Variants in CCDC7 observed in about 807,000 individuals in gnomAD.
CCDC7 encodes coiled-coil domain-containing protein 7.
CCDC7 carries 183 observed loss-of-function variants against 196.9 expected under a neutral mutation model. That is an observed-to-expected ratio of 0.93 (90% CI 0.82 to 1.05). The LOEUF is 1.05. Ranked by LOEUF, CCDC7 falls within the 50% of genes least tolerant of loss-of-function variation. The pLI is 0.00. For missense variants in CCDC7, 1,540 were observed against 1,482.2 expected (o/e 1.04, Z -0.64); for synonymous variants, 525 against 484.6 (o/e 1.08, Z -1.10).
chr10:32,602,588 T>G (rs1405651913), intron 18 of CCDC7, among the ~76,000 whole-genome samples: 1 of 152,098 alleles, frequency 6.6e-6, no homozygotes. Flanking sequence ...TATGCTTAAT[T>G]TTATTTATTT....
intron 28 of CCDC7, among the ~76,000 whole-genome samples, chr10:32,753,946 A>AT (rs997325104): frequency 1.3e-5 from 2 of 152,104 alleles, no homozygotes; most frequent in Non-Finnish European, 2.9e-5. Flanking sequence ...GAAACAAATG[A>AT]TTTTTTTAAC....
At chr10:32,480,470 G>T (rs2039762772) in intron 8 of CCDC7, among the ~76,000 whole-genome samples, 1 of 151,826 alleles carries the variant, frequency 6.6e-6, no homozygotes, top group African/African-American at 2.4e-5. Context: ...TGCAAGTGTG[G>T]GACACTGTGC....
At chr10:32,567,873 A>G (rs746858797) in exon 15 of CCDC7, 1 of 1,613,110 alleles carries the variant, frequency 6.2e-7, no homozygotes, top group East Asian at 2.2e-5. Context: ...CAAGTGATAA[A>G]ATCCAAGAAT....
intron 41 of CCDC7, among the ~76,000 whole-genome samples, chr10:32,873,990 G>T (rs1382115890): frequency 6.6e-6 from 1 of 151,614 alleles, no homozygotes; most frequent in Non-Finnish European, 1.5e-5. Context: ...AAATGCAAAT[G>T]ATATAGAAAA....
intron 21 of CCDC7, among the ~76,000 whole-genome samples, chr10:32,682,232 A>C (rs2075956783): frequency 6.6e-6 from 1 of 152,052 alleles, no homozygotes; most frequent in Non-Finnish European, 1.5e-5. Flanking sequence ...GTCCATGTGT[A>C]CTCAATGTTT....
At chr10:32,636,064 T>C (rs1462399610) in intron 20 of CCDC7, among the ~76,000 whole-genome samples, 3 of 152,172 alleles carry the variant, frequency 2.0e-5, no homozygotes, top group African/African-American at 7.2e-5. Context: ...AAAAGTAGCA[T>C]AAAGCTTATA....
At chr10:32,781,314 C>T (rs1225611224) in intron 29 of CCDC7, among the ~76,000 whole-genome samples, 3 of 152,114 alleles carry the variant, frequency 2.0e-5, no homozygotes, top group African/African-American at 7.2e-5. Flanking sequence ...TCTATGAGGA[C>T]AGCATTATCT....
intron 30 of CCDC7, 106 bp from the exon 32 acceptor site, chr10:32,814,264 A>AT: frequency 1.2e-6 from 1 of 830,138 alleles, no homozygotes; most frequent in Non-Finnish European, 1.9e-6. Context: ...AGCCACAAAT[A>AT]TTTTAAGTTA....
At chr10:32,532,604 C>G (rs1368566151) in intron 11 of CCDC7, among the ~76,000 whole-genome samples, 4 of 152,086 alleles carry the variant, frequency 2.6e-5, no homozygotes, top group African/African-American at 9.7e-5. Context: ...CAGTTTATCT[C>G]TCCCTAGAGA....
At chr10:32,823,262 C>T (rs150668831) in intron 31 of CCDC7, among the ~76,000 whole-genome samples, 3,027 of 152,082 alleles carry the variant, frequency 0.02, 101 homozygotes, top group African/African-American at 0.068. Flanking sequence ...CCTGCCTCAG[C>T]CTCCTAAGTA....
intron 20 of CCDC7, among the ~76,000 whole-genome samples, chr10:32,643,857 T>A (rs2152161): frequency 0.11 from 14,727 of 134,902 alleles, 944 homozygotes; most frequent in South Asian, 0.25. Context: ...TTTTCAAAAT[T>A]ATTTTGAAAA....
intron 19 of CCDC7, among the ~76,000 whole-genome samples, 191 bp downstream of exon 20, chr10:32,634,555 C>T (rs1225111556): frequency 6.6e-6 from 1 of 152,024 alleles, no homozygotes; most frequent in African/African-American, 2.4e-5. Context: ...CGTCACCATG[C>T]CTGGCTAATT....
chr10:32,585,218 C>T (rs1009922933), intron 18 of CCDC7, among the ~76,000 whole-genome samples: 5 of 152,104 alleles, frequency 3.3e-5, no homozygotes, highest in African/African-American at 7.2e-5. Context: ...GGACTACAGG[C>T]GCATGCCGCC....
At chr10:32,459,043 T>A (rs1276734079) in intron 3 of CCDC7, among the ~76,000 whole-genome samples, 1 of 152,194 alleles carries the variant, frequency 6.6e-6, no homozygotes, top group Non-Finnish European at 1.5e-5. Context: ...TCTTATATAT[T>A]ATTTTGTAGC....
At chr10:32,584,752 C>CAAAAAAAAA (rs749922864) in intron 18 of CCDC7, among the ~76,000 whole-genome samples, 1 of 56,334 alleles carries the variant, frequency 1.8e-5, no homozygotes, top group African/African-American at 9.4e-5. Context: ...CACTTCATCT[C>CAAAAAAAAA]AAAAAAAAAA....
intron 31 of CCDC7, among the ~76,000 whole-genome samples, chr10:32,820,761 A>G (rs1247487515): frequency 6.6e-6 from 1 of 152,250 alleles, no homozygotes; most frequent in Admixed American, 6.5e-5. Flanking sequence ...CTGGCTAGCC[A>G]TATGTAGAAA....
chr10:32,722,370 C>T (rs938958084), intron 25 of CCDC7, among the ~76,000 whole-genome samples: 10 of 152,212 alleles, frequency 6.6e-5, no homozygotes, highest in African/African-American at 2.2e-4. Flanking sequence ...CGATCTACTT[C>T]CCAGTGGTAG....
chr10:32,470,961 T>C, intron 5 of CCDC7, 103 bp from the exon 7 acceptor site: 1 of 1,155,122 alleles, frequency 8.7e-7, no homozygotes, highest in Non-Finnish European at 1.2e-6. Flanking sequence ...ATAAGAAAAA[T>C]ATAAAAATTA....
chr10:32,585,285 G>A (rs2059151481), intron 18 of CCDC7, among the ~76,000 whole-genome samples: 1 of 152,166 alleles, frequency 6.6e-6, no homozygotes, highest in Admixed American at 6.5e-5. Flanking sequence ...GTGTTAGACA[G>A]GATGGTCTCG....
Sources: gnomAD v4.1 joint callset for allele counts (sites outside exome capture counted in the v4.1 genomes callset) on GRCh38, gnomAD v4.1.1 for gene constraint, MANE v1.5 for transcripts, NCBI Gene and HGNC (gene_info 2026-07-23, HGNC 2026-07-21) for gene names.